The following CNTNAP2 variants were observed in gnomAD, a reference collection of about 807,000 sequenced individuals.
CNTNAP2 encodes contactin-associated protein-like 2.
A neutral mutation model predicts 155.2 loss-of-function variants in CNTNAP2; 98 were observed. That is an observed-to-expected ratio of 0.63 (90% CI 0.54 to 0.75). CNTNAP2 has a LOEUF of 0.75. Among genes scored for constraint, CNTNAP2 ranks in the 30% least tolerant of loss-of-function variants. The pLI, the probability that CNTNAP2 is intolerant of heterozygous loss-of-function variation, is 0.00. For synonymous variants in CNTNAP2, 651 were observed against 631.2 expected (o/e 1.03, Z -0.47); for missense variants, 1,727 against 1,688.1 (o/e 1.02, Z -0.40).
At chr7:147,674,742 G>A (rs1178226779) in intron 13 of CNTNAP2, among the ~76,000 whole-genome samples, 1 of 152,056 alleles carries the variant, frequency 6.6e-6, no homozygotes, top group African/African-American at 2.4e-5. Flanking sequence ...TTACAATATA[G>A]ACTATAGGTT....
intron 13 of CNTNAP2, among the ~76,000 whole-genome samples, chr7:147,655,901 A>C (rs1279691788): frequency 6.6e-6 from 1 of 152,240 alleles, no homozygotes; most frequent in Non-Finnish European, 1.5e-5. Flanking sequence ...CAATAGAAAG[A>C]TGTTTCATCT....
chr7:146,795,997 A>G (rs1263855394), intron 2 of CNTNAP2, among the ~76,000 whole-genome samples: 1 of 152,210 alleles, frequency 6.6e-6, no homozygotes, highest in East Asian at 1.9e-4. Context: ...AAGTAAATAC[A>G]CATGAAAGAA....
At chr7:146,742,110 C>A (rs1438290590) in intron 1 of CNTNAP2, among the ~76,000 whole-genome samples, 1 of 150,648 alleles carries the variant, frequency 6.6e-6, no homozygotes, top group East Asian at 1.9e-4. Context: ...GGCAGTGTTC[C>A]AGTGAGCCAG....
At chr7:146,443,931 CTGTATACATTAGCTGAATT>C (rs542848438) in intron 1 of CNTNAP2, among the ~76,000 whole-genome samples, 1 of 152,276 alleles carries the variant, frequency 6.6e-6, no homozygotes, top group East Asian at 1.9e-4. Context: ...TCACAGTGTT[CTGTATACATTAGCTGAATT>C]TCAGTTTGTG....
At chr7:148,402,120 G>C (rs141968513) in intron 22 of CNTNAP2, among the ~76,000 whole-genome samples, 1 of 152,158 alleles carries the variant, frequency 6.6e-6, no homozygotes, top group Non-Finnish European at 1.5e-5. Context: ...ACATATAGCC[G>C]ATGACGACAA....
rs181855227 is a variant in CNTNAP2, at chr7:146,758,792, C to T, written c.98-15479C>T. On this transcript the variant is annotated intron_variant, in intron 1 of 23. Transcript: ENST00000361727. ...AAATGAGATTTGGGTGGGGACACAG[C>T]GAAATCATATCACCGCCTACACCTG... Among the ~76,000 whole-genome samples the T allele has an allele frequency of 2.3e-3, 350 of 152,244 alleles. 1 individual carries two copies. The highest frequency in any genetic ancestry group is 7.7e-3 in the African/African-American group (321 of 41,556).
chr7:147,970,472 C>T (rs1007127001), intron 14 of CNTNAP2, among the ~76,000 whole-genome samples: 1 of 152,082 alleles, frequency 6.6e-6, no homozygotes. Flanking sequence ...TGCCTATAAT[C>T]CCAGCACTTT....
At chr7:146,684,637 CGCAAAAAAAA>C in intron 1 of CNTNAP2, among the ~76,000 whole-genome samples, 1 of 6,280 alleles carries the variant, frequency 1.6e-4, no homozygotes, top group Non-Finnish European at 4.4e-4. Flanking sequence ...ATAGATCCAG[CGCAAAAAAAA>C]AAAAAAAAAA....
chr7:147,977,796 C>G, intron 14 of CNTNAP2, 66 bp from the exon 15 acceptor site: 4 of 1,605,476 alleles, frequency 2.5e-6, no homozygotes, highest in Non-Finnish European at 3.4e-6. Context: ...ACGTAAGCAA[C>G]TAGCAGAAAA....
chr7:146,332,654 A>G (rs1045383965), intron 1 of CNTNAP2, among the ~76,000 whole-genome samples: 1 of 152,212 alleles, frequency 6.6e-6, no homozygotes, highest in African/African-American at 2.4e-5. Context: ...GTGAATCGTT[A>G]ATACAGGCTT....
At chr7:148,118,331 T>C in intron 16 of CNTNAP2, 43 bp downstream of exon 16, 1 of 1,609,740 alleles carries the variant, frequency 6.2e-7, no homozygotes, top group Non-Finnish European at 8.5e-7. Flanking sequence ...GCCACTTTCG[T>C]CACCTCAGGG....
At chr7:148,312,882 C>T (rs1294638382) in intron 21 of CNTNAP2, among the ~76,000 whole-genome samples, 4 of 140,230 alleles carry the variant, frequency 2.9e-5, no homozygotes, top group Admixed American at 7.6e-5. Context: ...TAGTGGTGTC[C>T]TATACTTGTG....
rs146454256 is a variant in CNTNAP2 at position 146,870,427 on chromosome 7, A to G, written c.402+30523A>G. ...TTATTTCTGTGAGATCAGTAGTAAC[A>G]TTCCCTTTGTCATTTCTCATCATAT... On this transcript the variant is annotated intron_variant, in intron 3 of 23. Coordinates refer to ENST00000361727, the MANE Select transcript of CNTNAP2 (RefSeq NM_014141.6). Among the ~76,000 whole-genome samples, 55 of 152,194 alleles carry G rather than the reference A, an allele frequency of 3.6e-4. 1 individual carries two copies. The East Asian group carries it at 9.5e-3, about 26-fold the overall frequency.
chr7:146,552,437 CT>C (rs946023703), intron 1 of CNTNAP2, among the ~76,000 whole-genome samples: 17 of 152,048 alleles, frequency 1.1e-4, no homozygotes, highest in Non-Finnish European at 8.8e-5. Flanking sequence ...AAAATATATT[CT>C]GGGTTCGATC....
intron 3 of CNTNAP2, among the ~76,000 whole-genome samples, chr7:146,842,318 G>T (rs11974784): frequency 0.18 from 28,065 of 151,948 alleles, 3,693 homozygotes; most frequent in African/African-American, 0.37. Context: ...AGGTGATAAA[G>T]GTGCATTTCT....
intron 3 of CNTNAP2, among the ~76,000 whole-genome samples, chr7:146,962,674 C>G (rs931296623): frequency 2.0e-5 from 3 of 152,176 alleles, no homozygotes; most frequent in African/African-American, 7.2e-5. Context: ...CCTCAGACTC[C>G]TGAGTAGCTG....
chr7:146,927,332 C>T (rs1796628226), intron 3 of CNTNAP2, among the ~76,000 whole-genome samples: 1 of 152,068 alleles, frequency 6.6e-6, no homozygotes, highest in Non-Finnish European at 1.5e-5. Flanking sequence ...GTTGGTTTTG[C>T]TTACCATCAT....
chr7:147,817,968 A>C (rs891609811), intron 13 of CNTNAP2, among the ~76,000 whole-genome samples: 1 of 152,004 alleles, frequency 6.6e-6, no homozygotes, highest in Non-Finnish European at 1.5e-5. Flanking sequence ...TTTGCTGGAA[A>C]ATTAATGAAT....
At chr7:146,257,364 A>G (rs1405786742) in intron 1 of CNTNAP2, among the ~76,000 whole-genome samples, 3 of 152,172 alleles carry the variant, frequency 2.0e-5, no homozygotes, top group Non-Finnish European at 2.9e-5. Context: ...TTATCTTTCT[A>G]TATATCTGCT....
Sources: allele counts gnomAD v4.1 joint callset (sites outside exome capture counted in the v4.1 genomes callset), GRCh38; gene constraint gnomAD v4.1.1; transcripts MANE v1.5; gene names NCBI Gene and HGNC (gene_info 2026-07-23, HGNC 2026-07-21).